The following DPP10 variants were observed in gnomAD, a reference collection of about 807,000 sequenced individuals.
The protein encoded by DPP10 is dipeptidyl peptidase like 10.
A neutral mutation model predicts 120.9 loss-of-function variants in DPP10; 33 were observed. The ratio of observed to expected loss-of-function variants is 0.27; its 90% CI spans 0.21 to 0.37. The LOEUF is 0.37. DPP10 is among the 10% of genes least tolerant of loss of function. The pLI, the probability that DPP10 is intolerant of heterozygous loss-of-function variation, is 1.00. For missense variants in DPP10, 816 were observed against 942.8 expected (o/e 0.87, Z 1.76); for synonymous variants, 337 against 326.1 (o/e 1.03, Z -0.36).
chr2:114,665,025 G>C (rs879901701), intron 1 of DPP10, among the ~76,000 whole-genome samples: 38 of 152,136 alleles, frequency 2.5e-4, no homozygotes, highest in Non-Finnish European at 5.9e-5. Context: ...AGATGGCACA[G>C]AGCATACAAA....
chr2:114,675,899 A>G (rs978707053), intron 1 of DPP10, among the ~76,000 whole-genome samples: 3 of 151,964 alleles, frequency 2.0e-5, no homozygotes, highest in African/African-American at 7.2e-5. Context: ...CTCCAGGTTC[A>G]AGTGATTCTC....
At chr2:114,996,870 T>C (rs1701118968) in intron 1 of DPP10, among the ~76,000 whole-genome samples, 1 of 150,798 alleles carries the variant, frequency 6.6e-6, no homozygotes, top group African/African-American at 2.4e-5. Flanking sequence ...TACTCCCAGC[T>C]ACTCGGGAGT....
intron 5 of DPP10, among the ~76,000 whole-genome samples, chr2:115,554,858 C>A (rs2080110548): frequency 6.6e-6 from 1 of 152,054 alleles, no homozygotes; most frequent in Non-Finnish European, 1.5e-5. Flanking sequence ...GTAGTCTCTT[C>A]CCCTTGTGCA....
At chr2:115,608,966 T>C in intron 5 of DPP10, among the ~76,000 whole-genome samples, 1 of 151,004 alleles carries the variant, frequency 6.6e-6, no homozygotes. Flanking sequence ...TTCATAAAGA[T>C]CAAGACAAAT....
chr2:115,340,016 G>T (rs115109978), intron 2 of DPP10, among the ~76,000 whole-genome samples: 1 of 152,302 alleles, frequency 6.6e-6, no homozygotes, highest in African/African-American at 2.4e-5. Flanking sequence ...TATTATGCAG[G>T]ATGTTACTTG....
At chr2:114,721,725 A>G (rs928021268) in intron 1 of DPP10, among the ~76,000 whole-genome samples, 14 of 152,220 alleles carry the variant, frequency 9.2e-5, no homozygotes, top group Admixed American at 8.5e-4. Context: ...AGAATCTGCT[A>G]GATCCTTCAC....
intron 1 of DPP10, among the ~76,000 whole-genome samples, chr2:114,756,260 T>G (rs936920553): frequency 1.3e-5 from 2 of 152,098 alleles, no homozygotes; most frequent in African/African-American, 4.8e-5. Flanking sequence ...GCATACAAGT[T>G]ATGAAAGTGT....
intron 1 of DPP10, among the ~76,000 whole-genome samples, chr2:114,964,222 A>G (rs1698844457): frequency 6.6e-6 from 1 of 152,194 alleles, no homozygotes; most frequent in South Asian, 2.1e-4. Flanking sequence ...GGGAATTATT[A>G]TTCTGTTAAT....
At chr2:115,168,024 A>G (rs1264913505) in intron 1 of DPP10, among the ~76,000 whole-genome samples, 2 of 152,034 alleles carry the variant, frequency 1.3e-5, no homozygotes, top group African/African-American at 4.8e-5. Flanking sequence ...TTATAGAAAT[A>G]TGTCAGGGGG....
chr2:114,724,546 G>T (rs558696951), intron 1 of DPP10, among the ~76,000 whole-genome samples: 11 of 152,148 alleles, frequency 7.2e-5, no homozygotes, highest in Non-Finnish European at 1.5e-4. Flanking sequence ...AGCCGGTTTG[G>T]GGGGTATGAG....
chr2:114,482,697 ATTTCT>A (rs1232148142), intron 1 of DPP10, among the ~76,000 whole-genome samples: 2 of 152,150 alleles, frequency 1.3e-5, no homozygotes, highest in Non-Finnish European at 2.9e-5. Context: ...GTTTATTGCT[ATTTCT>A]TTTCTTGTTG....
chr2:115,564,127 C>T (rs1265808858), intron 5 of DPP10, among the ~76,000 whole-genome samples: 1 of 151,718 alleles, frequency 6.6e-6, no homozygotes, highest in Non-Finnish European at 1.5e-5. Context: ...ATATGCCAGC[C>T]CTCGATATTC....
In DPP10 at chr2:114,611,059, A is replaced by G. The variant is rs544696456; in HGVS notation, c.60+168221A>G. Among the ~76,000 whole-genome samples the G allele has an allele frequency of 3.3e-5, 5 of 152,124 alleles. No individual in the cohort carries two copies. The East Asian group carries it at 9.7e-4, about 29-fold the overall frequency. On this transcript the variant is annotated intron_variant, in intron 1 of 25. Transcript: ENST00000410059. ...GTATAATTACGAAGGCTGTCCCAGC[A>G]CTCGCTACCTACACTATACTTAATG... is the stretch of plus-strand genomic sequence containing the variant.
At chr2:114,565,031 T>A (rs1218978371) in intron 1 of DPP10, among the ~76,000 whole-genome samples, 1 of 152,110 alleles carries the variant, frequency 6.6e-6, no homozygotes, top group Admixed American at 6.6e-5. Context: ...CTGGAATGAG[T>A]TATATAAGCA....
chr2:115,403,817 T>G (rs1307092108), intron 3 of DPP10, among the ~76,000 whole-genome samples: 1 of 152,156 alleles, frequency 6.6e-6, no homozygotes, highest in Non-Finnish European at 1.5e-5. Context: ...TTCTCTTTGT[T>G]GATAAGATGA....
chr2:114,862,125 CA>C (rs1689852136), intron 1 of DPP10, among the ~76,000 whole-genome samples: 1 of 152,040 alleles, frequency 6.6e-6, no homozygotes, highest in South Asian at 2.1e-4. Flanking sequence ...TTCAAAATTC[CA>C]CTTCTCAATA....
chr2:115,442,879 A>T (rs2072207375), intron 3 of DPP10, among the ~76,000 whole-genome samples: 1 of 152,172 alleles, frequency 6.6e-6, no homozygotes, highest in Non-Finnish European at 1.5e-5. Context: ...TGTCTCGAAC[A>T]GTTCTGTATC....
chr2:114,811,983 G>A (rs531989858), intron 1 of DPP10, among the ~76,000 whole-genome samples: 55 of 152,216 alleles, frequency 3.6e-4, no homozygotes, highest in African/African-American at 1.2e-3. Flanking sequence ...GGAATGGTTC[G>A]GGGCACTGCT....
At chr2:114,619,704 T>C (rs1481505087) in intron 1 of DPP10, among the ~76,000 whole-genome samples, 1 of 152,016 alleles carries the variant, frequency 6.6e-6, no homozygotes, top group African/African-American at 2.4e-5. Flanking sequence ...CAGGTAGGGC[T>C]CTATTCCAAC....
Sources: allele counts gnomAD v4.1 joint callset (sites outside exome capture counted in the v4.1 genomes callset), GRCh38; gene constraint gnomAD v4.1.1; transcripts MANE v1.5; gene names NCBI Gene and HGNC (gene_info 2026-07-23, HGNC 2026-07-21).